The following TNFRSF25 variants were observed in gnomAD, a reference collection of about 807,000 sequenced individuals.
TNFRSF25 encodes the protein tumor necrosis factor receptor superfamily member 25.
TNFRSF25 carries 28 observed loss-of-function variants against 49.4 expected under a neutral mutation model. The ratio of observed to expected loss-of-function variants is 0.57; its 90% confidence interval spans 0.42 to 0.78. TNFRSF25 has a LOEUF of 0.78. Among genes scored for constraint, TNFRSF25 ranks in the 30% least tolerant of loss-of-function variants. The pLI, the probability that TNFRSF25 is intolerant of heterozygous loss-of-function variation, is 0.00. For missense variants in TNFRSF25, 531 were observed against 581.6 expected, an observed-to-expected ratio of 0.91 and a Z score of 0.90; for synonymous variants, 240 against 234.2, an observed-to-expected ratio of 1.02 and a Z score of -0.23.
chr1:6,466,114 C>G lies in TNFRSF25; in HGVS notation c.-7G>C. 6.5e-7 allele frequency: 1 copy of G among 1,532,184 alleles called. No homozygotes were observed. Among genetic ancestry groups the G allele is most frequent in the South Asian group, 1.2e-5 (1 of 82,608 alleles). 94.9% of individuals were successfully genotyped at this position (1,532,184 alleles called of 1,614,324 possible). A position where few individuals can be genotyped will look rare whatever the true frequency, so the allele number is the denominator to read the frequency against. The stretch of plus-strand genomic sequence containing the variant: ...CCCGCGGCCGCTGCTCCATAGCCCT[C>G]CGACGGGCGCCCAGGGGCTTCCCGG... On this transcript the variant is annotated 5_prime_UTR_variant, in exon 1 of 10. Transcript: ENST00000356876.
chr1:6,461,543 C>T lies in TNFRSF25; in HGVS notation c.1145G>A (p.Trp382Ter). The change falls in exon 10 of 10, where the codon TGG becomes TAG. Residue 382 changes from tryptophan (W) to a stop codon, truncating the protein, a stop_gained. Coordinates refer to ENST00000356876, the MANE Select transcript of TNFRSF25 (RefSeq NM_003790.3). LOFTEE classifies it high-confidence loss of function. The surrounding 1 kb of genome is among the most constrained non-coding windows in gnomAD (Gnocchi z 6.3). ...RDQQYEMLKR[W>*]RQQQPAGLGA... is the part of the protein sequence containing the mutation. ...GAGGCCCGCGGGCTGCTGCTGGCGC[C>T]AGCGCTTGAGCATCTCGTACTGCTG... 1 of 1,608,928 alleles carries T rather than the reference C, an allele frequency of 6.2e-7. No individual in the cohort carries two copies. Among genetic ancestry groups the T allele is most frequent in the Non-Finnish European group, 8.5e-7 (1 of 1,179,102 alleles).
At chr1:6,465,621 C>T (rs1198942736) in intron 1 of TNFRSF25, 61 bp from the exon 2 acceptor site, 69 of 1,566,952 alleles carry the variant, frequency 4.4e-5, no homozygotes, top group Non-Finnish European at 5.6e-5. Flanking sequence ...CTCCCTGCTG[C>T]GTCTCCTCCA....
intron 1 of TNFRSF25, 73 bp downstream of exon 1, chr1:6,465,995 CG>C: frequency 2.0e-6 from 3 of 1,521,792 alleles, no homozygotes; most frequent in East Asian, 2.6e-5. Flanking sequence ...GAGACGCGCC[CG>C]GGGCCCCTTC....
chr1:6,461,158 T>G lies in TNFRSF25; in HGVS notation c.*276A>C. ...AGAAACGCCAAGAAGCCGTTTTTGT[T>G]TTGTTTTGTTTTCTTTCACAGATTT... On this transcript the variant is annotated 3_prime_UTR_variant, in exon 10 of 10. Coordinates refer to ENST00000356876, the MANE Select transcript of TNFRSF25 (RefSeq NM_003790.3). The surrounding 1 kb of genome is among the most constrained non-coding windows in gnomAD (Gnocchi z 6.3). The G allele has an allele frequency of 1.5e-5, 10 of 661,788 alleles. No homozygotes were observed. Among genetic ancestry groups the G allele is most frequent in the East Asian group, 3.1e-5 (1 of 31,924 alleles). The allele number at this position is 661,788 out of a possible 1,614,324, so 41.0% of individuals were successfully genotyped here.
At position 6,464,614 on chromosome 1, in the gene TNFRSF25, G is replaced by A; in HGVS notation, c.401C>T (p.Ser134Leu). ...ECQVSQCVSS[S>L]PFYCQPCLDC... ...TAGGCATGGTTGGCAGTAGAAGGGT[G>A]AACTGCTGACACATTGGCTGACCTG... Residue 134 changes from serine to leucine, a missense_variant, in exon 4 of 10, where the codon TCA (serine) becomes TTA (leucine). Physicochemically the swap from Ser to Leu is moderately radical, Grantham distance 145 (BLOSUM62 -2). Coordinates refer to ENST00000356876, the MANE Select transcript of TNFRSF25 (RefSeq NM_003790.3). 6.2e-7 allele frequency: 1 copy of A among 1,614,106 alleles called. No homozygotes were observed. The highest frequency in any genetic ancestry group is 8.5e-7 in the Non-Finnish European group (1 of 1,180,032).
In TNFRSF25 at chr1:6,462,818, C is replaced by T; in HGVS notation, c.706+45G>A. On this transcript the variant is annotated intron_variant, in intron 7 of 9. Coordinates refer to ENST00000356876, the MANE Select transcript of TNFRSF25 (RefSeq NM_003790.3). The surrounding 1 kb of genome is among the most constrained non-coding windows in gnomAD (Gnocchi z 4.2). ...GTTGAGTAGACTCTGGGCTACCCAT[C>T]CTGACCCCAGGCTTCTGGGTGCGTG... The T allele has an allele frequency of 2.5e-6, 4 of 1,576,014 alleles. No homozygotes were observed. The highest frequency in any genetic ancestry group is 3.5e-6 in the Non-Finnish European group (4 of 1,159,060).
At position 6,461,662 on chromosome 1, in the gene TNFRSF25, G is replaced by C; in HGVS notation, c.1026C>G (p.Val342=). Residue 342 remains valine (V), a synonymous_variant, in exon 10 of 10, where the codon GTC becomes GTG. Coordinates refer to ENST00000356876, the MANE Select transcript of TNFRSF25 (RefSeq NM_003790.3). The surrounding 1 kb of genome is among the most constrained non-coding windows in gnomAD (Gnocchi z 6.3). ...GPQLYDVMDA[V]PARRWKEFVR... is the part of the protein sequence containing the mutation. ...CGAACTCCTTCCAGCGCCGCGCTGG[G>C]ACCGCGTCCATCACGTCGTAGAGCT... 6.2e-7 allele frequency: 1 copy of C among 1,600,122 alleles called. No individual in the cohort carries two copies. Among genetic ancestry groups the C allele is most frequent in the Non-Finnish European group, 8.5e-7 (1 of 1,177,296 alleles).
rs1031150086 is a variant in TNFRSF25, at chr1:6,461,265, G to T, written c.*169C>A. 1.1e-4 allele frequency: 99 copies of T among 865,316 alleles called. No homozygotes were observed. In the African/African-American group the frequency reaches 1.4e-3, roughly 12 times the overall value. The allele number at this position is 865,316 out of a possible 1,614,324, so 53.6% of individuals were successfully genotyped here. A position where few individuals can be genotyped will look rare whatever the true frequency, so the allele number is the denominator to read the frequency against. ...TCTCGACATTCGTTCGTGCTTCTTC[G>T]CCTTGGCTGGAGCGATAGGGGCGAG... On this transcript the variant is annotated 3_prime_UTR_variant, in exon 10 of 10. Coordinates refer to ENST00000356876, the MANE Select transcript of TNFRSF25 (RefSeq NM_003790.3). The surrounding 1 kb of genome is among the most constrained non-coding windows in gnomAD (Gnocchi z 6.3).
In TNFRSF25 at chr1:6,461,961, G is replaced by A; in HGVS notation, c.925+33C>T. On this transcript the variant is annotated intron_variant, in intron 9 of 9. Coordinates refer to ENST00000356876, the MANE Select transcript of TNFRSF25 (RefSeq NM_003790.3). The surrounding 1 kb of genome is among the most constrained non-coding windows in gnomAD (Gnocchi z 6.3). ...ACTTCCCACCGCAGACAGGAGAATG[G>A]GGTCAAGGCCTCAGGCCACTGATGT... is the stretch of plus-strand genomic sequence containing the variant. 6.4e-7 allele frequency: 1 copy of A among 1,569,562 alleles called. No individual in the cohort carries two copies. Among genetic ancestry groups the A allele is most frequent in the Non-Finnish European group, 8.6e-7 (1 of 1,160,484 alleles).
At chr1:6,465,623 TCTC>T (rs1644333902) in intron 1 of TNFRSF25, 63 bp from the exon 2 acceptor site, 1 of 1,563,010 alleles carries the variant, frequency 6.4e-7, no homozygotes, top group Admixed American at 1.9e-5. Flanking sequence ...CCCTGCTGCG[TCTC>T]CTCCATTTCA....
rs1644156310 is a variant in TNFRSF25, at chr1:6,461,078, C to T, written c.*356G>A. Reference sequence around the variant, plus strand: ...CCAGATCCCGGGGTGACAAGATTCCCGTCCCCTTCGAATCCCTCGAGAAAA... The same window carrying T: ...CCAGATCCCGGGGTGACAAGATTCCTGTCCCCTTCGAATCCCTCGAGAAAA... On this transcript the variant is annotated 3_prime_UTR_variant, in exon 10 of 10. Transcript: ENST00000356876. This position sits in a 1 kb window ranked among gnomAD's most constrained non-coding sequence, Gnocchi z 6.3. The T allele has an allele frequency of 4.0e-6, 2 of 501,340 alleles. No individual in the cohort carries two copies. Among genetic ancestry groups the T allele is most frequent in the Non-Finnish European group, 8.0e-6 (2 of 249,486 alleles). The allele number at this position is 501,340 out of a possible 1,614,324, so 31.1% of individuals were successfully genotyped here.
chr1:6,461,424 G>T lies in TNFRSF25; in HGVS notation c.*10C>A. The T allele has an allele frequency of 1.3e-6, 2 of 1,490,872 alleles. No individual in the cohort carries two copies. Among genetic ancestry groups the T allele is most frequent in the Non-Finnish European group, 1.8e-6 (2 of 1,121,730 alleles). 92.4% of individuals were successfully genotyped at this position (1,490,872 alleles called of 1,614,324 possible). The stretch of plus-strand genomic sequence containing the variant: ...CCACCAGAGCGCCTAGGTGGCAAGT[G>T]GGCGCCGTGTCACGGGCCGCGCTGC... On this transcript the variant is annotated 3_prime_UTR_variant, in exon 10 of 10. Coordinates refer to ENST00000356876, the MANE Select transcript of TNFRSF25 (RefSeq NM_003790.3). This position sits in a 1 kb window ranked among gnomAD's most constrained non-coding sequence, Gnocchi z 6.3.
intron 5 of TNFRSF25, 70 bp from the exon 6 acceptor site, chr1:6,463,197 G>A (rs1391409310): frequency 2.0e-6 from 3 of 1,469,952 alleles, no homozygotes; most frequent in Non-Finnish European, 2.8e-6. Flanking sequence ...AGACTGCCCA[G>A]CATCTGCTCC....
chr1:6,465,846 G>A (rs1195312576), intron 1 of TNFRSF25: 2 of 1,425,062 alleles, frequency 1.4e-6, no homozygotes, highest in East Asian at 2.6e-5. Context: ...GTTGGGGGAG[G>A]GACACTGATA....
chr1:6,465,169 C>G lies in TNFRSF25; in HGVS notation c.214G>C (p.Val72Leu), dbSNP rs984653964. ...GCCAAGAAGGTGTCTTGGGGACACA[C>G]AAGGCAGGTGGAGTTGCCGCAGGGC... is the stretch of plus-strand genomic sequence containing the variant. ...TEPCGNSTCL[V>L]CPQDTFLAWE... Residue 72 changes from valine (V) to leucine (L), a missense_variant, in exon 3 of 10, where the codon GTG becomes CTG. Physicochemically the swap from Val to Leu is conservative, Grantham distance 32 (BLOSUM62 1). Coordinates refer to ENST00000356876, the MANE Select transcript of TNFRSF25 (RefSeq NM_003790.3). 1 of 1,613,794 alleles carries G rather than the reference C, an allele frequency of 6.2e-7. No homozygotes were observed.
rs35137293 is a variant in TNFRSF25 at position 6,464,589 on chromosome 1, T to A, written c.426A>T (p.Leu142=). Residue 142 remains leucine (L), a synonymous_variant, in exon 4 of 10, where the codon CTA becomes CTT. Transcript: ENST00000356876. ...SSSPFYCQPC[L]DCGALHRHTR... is the part of the protein sequence containing the mutation. Reference sequence around the variant, plus strand: ...TGTGGCGGTGCAGGGCCCCGCAGTCTAGGCATGGTTGGCAGTAGAAGGGTG... The same window carrying A: ...TGTGGCGGTGCAGGGCCCCGCAGTCAAGGCATGGTTGGCAGTAGAAGGGTG... 1.2e-6 allele frequency: 2 copies of A among 1,613,984 alleles called. No homozygotes were observed. The highest frequency in any genetic ancestry group is 2.7e-5 in the African/African-American group (2 of 74,922).
rs1175608043 is a variant in TNFRSF25, at chr1:6,461,807, G to A, written c.926-45C>T. On this transcript the variant is annotated intron_variant, in intron 9 of 9. Coordinates refer to ENST00000356876, the MANE Select transcript of TNFRSF25 (RefSeq NM_003790.3). This position sits in a 1 kb window ranked among gnomAD's most constrained non-coding sequence, Gnocchi z 6.3. ...AGCCAATTGGGGTACGTGGGCCGCG[G>A]TCGGGAGGCAGAGTCAGGGGCGTTC... The A allele has an allele frequency of 1.4e-6, 2 of 1,466,312 alleles. No individual in the cohort carries two copies. Among genetic ancestry groups the A allele is most frequent in the Admixed American group, 4.6e-5 (2 of 43,080 alleles). The allele number at this position is 1,466,312 out of a possible 1,614,324, so 90.8% of individuals were successfully genotyped here.
At chr1:6,463,301 G>A in intron 5 of TNFRSF25, 174 bp from the exon 6 acceptor site, 1 of 648,034 alleles carries the variant, frequency 1.5e-6, no homozygotes, top group Non-Finnish European at 2.6e-6. Context: ...ACTATTCACT[G>A]AGCTTCTTCT....
rs764614137 is a variant in TNFRSF25, at chr1:6,462,393, TG to T, written c.745-220del. The T allele has an allele frequency of 1.5e-4, 175 of 1,198,876 alleles. No individual in the cohort carries two copies. Among genetic ancestry groups the T allele is most frequent in the Non-Finnish European group, 1.9e-4 (171 of 883,546 alleles). The allele number at this position is 1,198,876 out of a possible 1,614,324, so 74.3% of individuals were successfully genotyped here. ...TCCTTCCTCTTGTCCCCCAGCACCATGGGGCTCTCCTTCCATTGAACTGTTA... is the reference window on the plus strand; with the variant it reads ...TCCTTCCTCTTGTCCCCCAGCACCATGGGCTCTCCTTCCATTGAACTGTTA... On this transcript the variant is annotated intron_variant, in intron 8 of 9. Transcript: ENST00000356876. This position sits in a 1 kb window ranked among gnomAD's most constrained non-coding sequence, Gnocchi z 4.2.
Sources: allele counts gnomAD v4.1 joint callset, GRCh38; gene constraint gnomAD v4.1.1; non-coding constraint Gnocchi (gnomAD v3.1); transcripts MANE v1.5; gene names NCBI Gene and HGNC (gene_info 2026-07-23, HGNC 2026-07-21).